JPH3: variants seen among roughly 807,000 people sequenced by gnomAD.
The protein encoded by JPH3 is junctophilin 3.
JPH3 carries 11 observed loss-of-function variants against 59.6 expected under a neutral mutation model. The ratio of observed to expected loss-of-function variants is 0.18; its 90% CI spans 0.12 to 0.31. The LOEUF is 0.31. JPH3 is among the 10% of genes least tolerant of loss of function. The pLI, the probability that JPH3 is intolerant of heterozygous loss-of-function variation, is 1.00. For synonymous variants in JPH3, 673 were observed against 483.6 expected (o/e 1.39, Z -5.14); for missense variants, 1,202 against 1,105.7 (o/e 1.09, Z -1.24).
intron 2 of JPH3, among the ~76,000 whole-genome samples, chr16:87,649,193 C>A (rs762424304): frequency 6.6e-5 from 10 of 152,310 alleles, no homozygotes; most frequent in African/African-American, 2.4e-4. Flanking sequence ...GCAGTCTCTT[C>A]TGTGTCATTC....
rs368250515 is a variant in JPH3 at position 87,644,254 on chromosome 16, C to T, written c.383-4C>T. On this transcript the variant is annotated splice_region_variant and splice_polypyrimidine_tract_variant and intron_variant, in intron 1 of 4. Coordinates refer to ENST00000284262, the MANE Select transcript of JPH3 (RefSeq NM_020655.4). ...CACTCACCCCTCTCTCATTTTCTCC[C>T]CAGGGACCTACCAGGGCCAGTGGGT... The T allele has an allele frequency of 4.4e-6, 7 of 1,600,662 alleles. No individual in the cohort carries two copies. Among genetic ancestry groups the T allele is most frequent in the Non-Finnish European group, 6.0e-6 (7 of 1,173,544 alleles).
At chr16:87,639,658 GTCCTCCCTCC>G (rs2031878136) in intron 1 of JPH3, among the ~76,000 whole-genome samples, 1 of 82,330 alleles carries the variant, frequency 1.2e-5, no homozygotes, top group Admixed American at 1.2e-4. Flanking sequence ...CCTCCCGCCT[GTCCTCCCTCC>G]TGTCCTCCCT....
chr16:87,673,329 C>A (rs879907369), intron 2 of JPH3, among the ~76,000 whole-genome samples: 8 of 141,084 alleles, frequency 5.7e-5, no homozygotes, highest in Non-Finnish European at 9.3e-5. Context: ...AAAAAAAAAA[C>A]TGATCTACTG....
At chr16:87,621,966 G>A (rs1197121974) in intron 1 of JPH3, among the ~76,000 whole-genome samples, 1 of 152,200 alleles carries the variant, frequency 6.6e-6, no homozygotes, top group Non-Finnish European at 1.5e-5. Context: ...GTGATCGTGG[G>A]TGGCACAGTG....
At chr16:87,610,664 A>G (rs1049866722) in intron 1 of JPH3, among the ~76,000 whole-genome samples, 1 of 152,172 alleles carries the variant, frequency 6.6e-6, no homozygotes, top group African/African-American at 2.4e-5. Context: ...TCCCTTTACA[A>G]TTAGCATTAA....
intron 2 of JPH3, among the ~76,000 whole-genome samples, chr16:87,666,453 G>A (rs749076517): frequency 1.9e-4 from 29 of 151,774 alleles, no homozygotes; most frequent in African/African-American, 4.6e-4. Context: ...GTACAGTGGC[G>A]CAGTCATGGC....
Position 87,644,942 on chromosome 16 carries a change from C to T in JPH3, c.1067C>T (p.Ala356Val), listed in dbSNP as rs199593264. Residue 356 changes from alanine (A) to valine (V), a missense_variant, in exon 2 of 5, where the codon GCC becomes GTC. By Grantham distance (64) the Ala-to-Val change is moderately conservative. Coordinates refer to ENST00000284262, the MANE Select transcript of JPH3 (RefSeq NM_020655.4). ...CGCAAGAACCTCATCCCCCTGCGGG[C>T]CAGCAAGATCCGCGAGAAGGTGGAC... ...GKRKNLIPLR[A>V]SKIREKVDRA... is the part of the protein sequence containing the mutation. 4.7e-5 allele frequency: 75 copies of T among 1,612,146 alleles called. No homozygotes were observed. The East Asian group carries it at 1.6e-3, about 34-fold the overall frequency.
chr16:87,689,446 G>A (rs892077409), intron 3 of JPH3, among the ~76,000 whole-genome samples, 200 bp from the exon 4 acceptor site: 6 of 152,140 alleles, frequency 3.9e-5, no homozygotes, highest in Admixed American at 2.6e-4. Flanking sequence ...AAGTGTCTGT[G>A]GGGTGGGGAC....
At chr16:87,633,079 CTG>C (rs1159856299) in intron 1 of JPH3, among the ~76,000 whole-genome samples, 3 of 152,176 alleles carry the variant, frequency 2.0e-5, no homozygotes, top group East Asian at 1.9e-4. Flanking sequence ...TCGCTAGAGA[CTG>C]AGAATTCTGT....
chr16:87,684,310 G>A (rs200443980), intron 3 of JPH3, 44 bp downstream of exon 3: 34 of 1,606,790 alleles, frequency 2.1e-5, no homozygotes, highest in Middle Eastern at 1.7e-4. Flanking sequence ...GGGAGGGGGT[G>A]CGTGGATGGC....
chr16:87,664,068 A>G (rs2032784980), intron 2 of JPH3, among the ~76,000 whole-genome samples: 1 of 152,198 alleles, frequency 6.6e-6, no homozygotes, highest in African/African-American at 2.4e-5. Context: ...GCGGTGGCTC[A>G]CGCCTGTAAT....
At chr16:87,609,875 G>A (rs542068505) in intron 1 of JPH3, among the ~76,000 whole-genome samples, 39 of 152,220 alleles carry the variant, frequency 2.6e-4, no homozygotes, top group South Asian at 2.3e-3. Context: ...TGATTCAGGC[G>A]CATTCTATTT....
intron 2 of JPH3, among the ~76,000 whole-genome samples, chr16:87,665,148 C>A (rs59958066): frequency 6.6e-6 from 1 of 152,086 alleles, no homozygotes; most frequent in African/African-American, 2.4e-5. Context: ...TGGGGGAGAT[C>A]ACTGGCCTGC....
intron 1 of JPH3, among the ~76,000 whole-genome samples, chr16:87,623,929 G>A (rs1449197747): frequency 6.6e-6 from 1 of 152,238 alleles, no homozygotes; most frequent in African/African-American, 2.4e-5. Context: ...CCCCATAATG[G>A]GAATGGAGGG....
intron 1 of JPH3, among the ~76,000 whole-genome samples, chr16:87,622,265 G>A (rs2031212796): frequency 2.0e-5 from 3 of 152,232 alleles, no homozygotes; most frequent in South Asian, 4.1e-4. Context: ...TGGCTCAGGG[G>A]AAGTTTCCAG....
At chr16:87,648,709 G>A (rs922753068) in intron 2 of JPH3, among the ~76,000 whole-genome samples, 4 of 152,188 alleles carry the variant, frequency 2.6e-5, no homozygotes, top group African/African-American at 7.2e-5. Flanking sequence ...GAGTCACCAT[G>A]GGTTCTAAGG....
intron 2 of JPH3, among the ~76,000 whole-genome samples, chr16:87,677,223 CACAAAAAA>C (rs1484799038): frequency 0.018 from 1,993 of 111,262 alleles, 57 homozygotes; most frequent in East Asian, 0.098. Context: ...CACACACACA[CACAAAAAA>C]AAAAATTAGC....
chr16:87,677,584 A>C (rs2033183972), intron 2 of JPH3, among the ~76,000 whole-genome samples: 1 of 152,166 alleles, frequency 6.6e-6, no homozygotes, highest in Non-Finnish European at 1.5e-5. Context: ...AGGCCCAGAG[A>C]TTATGCAGCC....
chr16:87,652,164 A>G (rs991790191), intron 2 of JPH3, among the ~76,000 whole-genome samples: 9 of 151,974 alleles, frequency 5.9e-5, no homozygotes, highest in Non-Finnish European at 1.3e-4. Context: ...TTTAGTAGAG[A>G]TGGGGTTTCA....
Sources: gnomAD v4.1 joint callset for allele counts (sites outside exome capture counted in the v4.1 genomes callset) on GRCh38, gnomAD v4.1.1 for gene constraint, MANE v1.5 for transcripts, NCBI Gene and HGNC (gene_info 2026-07-23, HGNC 2026-07-21) for gene names.